Variants in RNGTT observed in about 807,000 individuals in gnomAD.
RNGTT encodes RNA guanylyltransferase and 5'-phosphatase.
Under a neutral mutation model 79.3 loss-of-function variants are expected in RNGTT, and 33 were observed. The observed-to-expected ratio is 0.42, with a 90% CI of 0.32 to 0.56. RNGTT has a LOEUF of 0.56. RNGTT is among the 20% of genes least tolerant of loss of function. RNGTT has a pLI of 0.17. For synonymous variants in RNGTT, 222 were observed against 235.9 expected (o/e 0.94, Z 0.54); for missense variants, 497 against 739.1 (o/e 0.67, Z 3.80).
intron 13 of RNGTT, among the ~76,000 whole-genome samples, chr6:88,726,571 GAAC>G (rs71298709): frequency 0.11 from 17,259 of 152,112 alleles, 1,090 homozygotes; most frequent in Middle Eastern, 0.23. Context: ...AACCTAGGAG[GAAC>G]TCCCTTCAGG....
chr6:88,780,350 T>C (rs1319754650), intron 12 of RNGTT, among the ~76,000 whole-genome samples: 2 of 152,188 alleles, frequency 1.3e-5, no homozygotes, highest in Non-Finnish European at 2.9e-5. Flanking sequence ...CCCTTTTTCA[T>C]GATCCCCAAA....
intron 11 of RNGTT, among the ~76,000 whole-genome samples, chr6:88,824,791 A>T (rs1046972407): frequency 6.9e-6 from 1 of 144,748 alleles, no homozygotes; most frequent in Non-Finnish European, 1.5e-5. Flanking sequence ...TTACTCTGTC[A>T]TTCAGGCTGG....
Position 88,890,606 on chromosome 6 carries a change from G to A in RNGTT, c.795-10C>T. 1 of 1,588,886 alleles carries A rather than the reference G, an allele frequency of 6.3e-7. No individual in the cohort carries two copies. The highest frequency in any genetic ancestry group is 8.6e-7 in the Non-Finnish European group (1 of 1,158,794). On this transcript the variant is annotated splice_polypyrimidine_tract_variant and intron_variant, in intron 7 of 15. Coordinates refer to ENST00000369485, the MANE Select transcript of RNGTT (RefSeq NM_003800.5). ...TCCAGGGAATCCAGACCTTAAAGAAGAACACAGTATTACTATCGTGGCTGG... is the reference window on the plus strand; with the variant it reads ...TCCAGGGAATCCAGACCTTAAAGAAAAACACAGTATTACTATCGTGGCTGG...
intron 1 of RNGTT, among the ~76,000 whole-genome samples, chr6:88,944,701 C>T (rs915444851): frequency 4.6e-5 from 7 of 152,202 alleles, no homozygotes; most frequent in African/African-American, 1.7e-4. Flanking sequence ...GTTTAATACA[C>T]ATACTCCTAT....
chr6:88,927,310 C>T lies in RNGTT; in HGVS notation c.367+1675G>A, dbSNP rs550808109. ...GGCCGAGGTAGGCAGGCAGATCACCCGAGGCCAGGAGTCCAAGACCAGCCC... is the reference window on the plus strand; with the variant it reads ...GGCCGAGGTAGGCAGGCAGATCACCTGAGGCCAGGAGTCCAAGACCAGCCC... On this transcript the variant is annotated intron_variant, in intron 4 of 15. Coordinates refer to ENST00000369485, the MANE Select transcript of RNGTT (RefSeq NM_003800.5). Among the ~76,000 whole-genome samples the T allele has an allele frequency of 5.9e-5, 9 of 151,948 alleles. No homozygotes were observed. In the South Asian group the frequency reaches 1.9e-3, roughly 32 times the overall value.
chr6:88,961,646 T>C (rs985499901), intron 1 of RNGTT, among the ~76,000 whole-genome samples: 4 of 152,236 alleles, frequency 2.6e-5, no homozygotes, highest in Non-Finnish European at 5.9e-5. Flanking sequence ...AGTGTCCAAA[T>C]TTTTTGCTAG....
intron 13 of RNGTT, among the ~76,000 whole-genome samples, chr6:88,729,104 G>C (rs1268874313): frequency 6.6e-6 from 1 of 152,160 alleles, no homozygotes; most frequent in Non-Finnish European, 1.5e-5. Flanking sequence ...CCGACACCCT[G>C]CGGGTCAGCC....
chr6:88,612,630 C>A lies in RNGTT; in HGVS notation c.*89G>T. On this transcript the variant is annotated 3_prime_UTR_variant, in exon 16 of 16. Transcript: ENST00000369485. ...ATGTGTATCAACATCAAGCCACAGT[C>A]GTTTTTCAATTTCTCTGGCTACAAA... 7.4e-7 allele frequency: 1 copy of A among 1,347,094 alleles called. No individual in the cohort carries two copies. Among genetic ancestry groups the A allele is most frequent in the Non-Finnish European group, 1.0e-6 (1 of 973,980 alleles). 83.4% of individuals were successfully genotyped at this position (1,347,094 alleles called of 1,614,324 possible). A position where few individuals can be genotyped will look rare whatever the true frequency, so the allele number is the denominator to read the frequency against.
intron 2 of RNGTT, among the ~76,000 whole-genome samples, chr6:88,935,440 G>A (rs926050094): frequency 6.6e-6 from 1 of 152,156 alleles, no homozygotes; most frequent in Non-Finnish European, 1.5e-5. Flanking sequence ...CAGGTGGGGT[G>A]CAGTGTCTCA....
intron 8 of RNGTT, among the ~76,000 whole-genome samples, chr6:88,862,817 ACAGT>A (rs1199526802): frequency 6.6e-6 from 1 of 152,330 alleles, no homozygotes; most frequent in Admixed American, 6.5e-5. Flanking sequence ...ACTGCTGCTA[ACAGT>A]CAGTGAAATG....
chr6:88,659,076 T>C (rs1774088167), intron 14 of RNGTT, among the ~76,000 whole-genome samples: 1 of 152,216 alleles, frequency 6.6e-6, no homozygotes, highest in Non-Finnish European at 1.5e-5. Context: ...TCTGTCCATC[T>C]AGAGAACCCT....
At chr6:88,678,458 T>C in intron 13 of RNGTT, 39 bp from the exon 14 acceptor site, 2 of 1,304,266 alleles carry the variant, frequency 1.5e-6, no homozygotes, top group Non-Finnish European at 2.0e-6. Flanking sequence ...AAATACTCCT[T>C]CTTATAAATA....
intron 2 of RNGTT, among the ~76,000 whole-genome samples, chr6:88,940,164 G>A (rs981656499): frequency 6.7e-6 from 1 of 149,964 alleles, no homozygotes; most frequent in African/African-American, 2.5e-5. Context: ...TGCAACCTCC[G>A]CTTCCCAGGT....
intron 13 of RNGTT, among the ~76,000 whole-genome samples, chr6:88,691,622 G>T (rs1311565306): frequency 6.6e-6 from 1 of 152,128 alleles, no homozygotes; most frequent in African/African-American, 2.4e-5. Flanking sequence ...GCATGTTAGG[G>T]CCTCTAGGAT....
At chr6:88,627,244 A>G (rs1772668834) in intron 14 of RNGTT, among the ~76,000 whole-genome samples, 3 of 152,126 alleles carry the variant, frequency 2.0e-5, no homozygotes, top group Admixed American at 2.0e-4. Context: ...CAAATAACTA[A>G]GTTTATTTTA....
At chr6:88,755,959 CAAAAAAA>C (rs1157096180) in intron 13 of RNGTT, among the ~76,000 whole-genome samples, 5 of 30,526 alleles carry the variant, frequency 1.6e-4, no homozygotes, top group East Asian at 2.3e-3. Flanking sequence ...GACTCCGTCT[CAAAAAAA>C]AAAAAAAAAA....
At chr6:88,829,305 C>T (rs914961482) in intron 11 of RNGTT, among the ~76,000 whole-genome samples, 1 of 152,106 alleles carries the variant, frequency 6.6e-6, no homozygotes, top group African/African-American at 2.4e-5. Flanking sequence ...AAATAAAATC[C>T]TTTACAGACA....
At chr6:88,843,844 C>T (rs183720570) in intron 11 of RNGTT, among the ~76,000 whole-genome samples, 1 of 150,912 alleles carries the variant, frequency 6.6e-6, no homozygotes, top group East Asian at 1.9e-4. Flanking sequence ...GCATGAGCCA[C>T]CGAGCCTGGC....
At chr6:88,817,256 G>A (rs999462819) in intron 11 of RNGTT, among the ~76,000 whole-genome samples, 2 of 152,016 alleles carry the variant, frequency 1.3e-5, no homozygotes, top group Admixed American at 6.6e-5. Flanking sequence ...GACTAAGTAG[G>A]TACAGTTATC....
Sources: allele counts gnomAD v4.1 joint callset (sites outside exome capture counted in the v4.1 genomes callset), GRCh38; gene constraint gnomAD v4.1.1; transcripts MANE v1.5; gene names NCBI Gene and HGNC (gene_info 2026-07-23, HGNC 2026-07-21).